Variants in IL22RA2 observed in about 807,000 individuals in gnomAD.
The protein encoded by IL22RA2 is interleukin 22 receptor subunit alpha 2.
IL22RA2 carries 39 observed loss-of-function variants against 30.7 expected under a neutral mutation model. That is an observed-to-expected ratio of 1.27 (90% CI 0.98 to 1.66). The LOEUF is 1.66. Ranked by LOEUF, IL22RA2 falls within the 40% of genes most tolerant of loss-of-function variation. The pLI is 0.00. For synonymous variants in IL22RA2, 103 were observed against 105.0 expected (o/e 0.98, Z 0.11); for missense variants, 315 against 312.7 (o/e 1.01, Z -0.05).
rs61381227 is a variant in IL22RA2, at chr6:137,150,480, ATTTT to A, written c.473-2593_473-2590del. ...CTTTTTTCTTTTCTTTTCTTTTCTG[ATTTT>A]TTTTTTTTTTTTTTTTTTTTTAGGG... On this transcript the variant is annotated intron_variant, in intron 5 of 6. Transcript: ENST00000296980. Among the ~76,000 whole-genome samples the A allele has an allele frequency of 9.1e-3, 917 of 100,520 alleles. 13 individuals carry two copies. The highest frequency in any genetic ancestry group is 0.033 in the African/African-American group (859 of 26,058). The allele number at this position is 100,520 out of a possible 152,430, so 65.9% of individuals were successfully genotyped here. A position where few individuals can be genotyped will look rare whatever the true frequency, so the allele number is the denominator to read the frequency against.
At chr6:137,160,547 A>T (rs1159362702) in intron 2 of IL22RA2, among the ~76,000 whole-genome samples, 1 of 152,186 alleles carries the variant, frequency 6.6e-6, no homozygotes, top group Non-Finnish European at 1.5e-5. Flanking sequence ...GAGGCAGACC[A>T]ATTAGAAGCT....
At chr6:137,164,775 C>T (rs534397283) in intron 1 of IL22RA2, among the ~76,000 whole-genome samples, 1 of 152,294 alleles carries the variant, frequency 6.6e-6, no homozygotes, top group East Asian at 1.9e-4. Flanking sequence ...AACATGGGGA[C>T]AAATTTATTT....
chr6:137,161,570 G>A (rs1562272610), intron 2 of IL22RA2, 119 bp downstream of exon 2: 2 of 752,866 alleles, frequency 2.7e-6, no homozygotes, highest in Non-Finnish European at 4.6e-6. Context: ...ATCATTTAGT[G>A]ACATCAAAAG....
intron 1 of IL22RA2, among the ~76,000 whole-genome samples, chr6:137,164,748 C>T (rs1778595148): frequency 2.0e-5 from 3 of 152,224 alleles, no homozygotes; most frequent in Admixed American, 2.0e-4. Context: ...CCAAGCAATG[C>T]AGATGCCACT....
chr6:137,154,127 G>A (rs533491276), intron 5 of IL22RA2, among the ~76,000 whole-genome samples: 1 of 152,130 alleles, frequency 6.6e-6, no homozygotes, highest in South Asian at 2.1e-4. Flanking sequence ...TTCTATGGTT[G>A]TGACTAAACT....
chr6:137,169,921 G>T (rs1436927884), intron 1 of IL22RA2, among the ~76,000 whole-genome samples: 1 of 152,250 alleles, frequency 6.6e-6, no homozygotes, highest in Non-Finnish European at 1.5e-5. Flanking sequence ...GCGGAAGTTA[G>T]CTCATGTTCT....
chr6:137,151,566 A>C (rs1286753537), intron 5 of IL22RA2, among the ~76,000 whole-genome samples: 3 of 152,262 alleles, frequency 2.0e-5, no homozygotes, highest in African/African-American at 7.2e-5. Context: ...GATTTCATCC[A>C]AGTTTAAAAC....
intron 1 of IL22RA2, among the ~76,000 whole-genome samples, chr6:137,170,549 G>A (rs1279509100): frequency 2.6e-5 from 4 of 152,138 alleles, no homozygotes; most frequent in African/African-American, 9.7e-5. Context: ...TTGTAATACT[G>A]CCTTTGTTTC....
Position 137,145,569 on chromosome 6 carries a change from C to T in IL22RA2, c.*55G>A. 1 of 1,519,828 alleles carries T rather than the reference C, an allele frequency of 6.6e-7. No individual in the cohort carries two copies. Among genetic ancestry groups the T allele is most frequent in the Non-Finnish European group, 8.9e-7 (1 of 1,119,006 alleles). 94.1% of individuals were successfully genotyped at this position (1,519,828 alleles called of 1,614,324 possible). On this transcript the variant is annotated 3_prime_UTR_variant, in exon 7 of 7. Transcript: ENST00000296980. ...ATAAGATCCTTCAAACACGAGTCAT[C>T]CTGTTCTCAGGGAGCTTTAGAATTT...
chr6:137,160,714 A>AT (rs1171709790), intron 2 of IL22RA2, among the ~76,000 whole-genome samples: 6 of 152,190 alleles, frequency 3.9e-5, no homozygotes, highest in Non-Finnish European at 5.9e-5. Context: ...TAAGGTAAAT[A>AT]TTTTTATTAT....
chr6:137,166,828 TGCCA>T (rs1778635244), intron 1 of IL22RA2, among the ~76,000 whole-genome samples: 1 of 152,236 alleles, frequency 6.6e-6, no homozygotes, highest in African/African-American at 2.4e-5. Context: ...TGAGCCTAAC[TGCCA>T]TCACTCGAGC....
rs1356269932 is a variant in IL22RA2 at position 137,145,634 on chromosome 6, TC to T, written c.781del (p.Glu261LysfsTer27). 1 of 1,605,984 alleles carries T rather than the reference TC, an allele frequency of 6.2e-7. No homozygotes were observed. Among genetic ancestry groups the T allele is most frequent in the Non-Finnish European group, 8.5e-7 (1 of 1,176,058 alleles). ...GCCAAATTCCACAAGTCATGGAATT[TC>T]CACACATCTCTCTTCACTTCTCTGA... is the stretch of plus-strand genomic sequence containing the variant. ...RSQRSEERCV[E>X]IP On this transcript the variant is annotated frameshift_variant, in exon 7 of 7. Coordinates refer to ENST00000296980, the MANE Select transcript of IL22RA2 (RefSeq NM_052962.3). LOFTEE classifies it high-confidence loss of function.
intron 1 of IL22RA2, among the ~76,000 whole-genome samples, chr6:137,165,044 A>G (rs1487602495): frequency 1.3e-5 from 2 of 152,202 alleles, no homozygotes; most frequent in African/African-American, 2.4e-5. Flanking sequence ...AGAAAAATGC[A>G]TCTTCAAGCA....
At chr6:137,148,900 G>A (rs1778233110) in intron 5 of IL22RA2, among the ~76,000 whole-genome samples, 1 of 152,102 alleles carries the variant, frequency 6.6e-6, no homozygotes, top group South Asian at 2.1e-4. Flanking sequence ...GCTAGATTTT[G>A]CAATTGATTG....
intron 1 of IL22RA2, 116 bp from the exon 2 acceptor site, chr6:137,161,930 A>C (rs759764443): frequency 1.2e-5 from 6 of 496,478 alleles, no homozygotes; most frequent in Non-Finnish European, 2.2e-5. Flanking sequence ...AAAAATATGA[A>C]AGTATAAAAA....
At chr6:137,158,517 T>G in intron 2 of IL22RA2, 35 bp from the exon 3 acceptor site, 2 of 1,611,546 alleles carry the variant, frequency 1.2e-6, no homozygotes, top group Non-Finnish European at 8.5e-7. Context: ...CATTGAACGT[T>G]GCTTGGAGCA....
chr6:137,162,107 A>G (rs1194968319), intron 1 of IL22RA2, among the ~76,000 whole-genome samples: 1 of 152,124 alleles, frequency 6.6e-6, no homozygotes, highest in African/African-American at 2.4e-5. Context: ...CAGGTGAGTG[A>G]ATGAAACAAC....
chr6:137,155,194 AT>A, intron 4 of IL22RA2, 75 bp from the exon 5 acceptor site: 3 of 1,090,346 alleles, frequency 2.8e-6, no homozygotes, highest in Non-Finnish European at 3.9e-6. Flanking sequence ...CAGACTAATA[AT>A]TTTTTATACC....
In IL22RA2 at chr6:137,161,687, A is replaced by G. The variant is rs1355390019; in HGVS notation, c.61+2T>C. On this transcript the variant is annotated splice_donor_variant, in intron 2 of 6. Coordinates refer to ENST00000296980, the MANE Select transcript of IL22RA2 (RefSeq NM_052962.3). LOFTEE classifies it high-confidence loss of function. ...GCAATTAAAAAGAAACAAAGCACTT[A>G]CCTGCTACACCAGTAAGGAAGAAAC... 6.2e-7 allele frequency: 1 copy of G among 1,612,026 alleles called. No homozygotes were observed. The highest frequency in any genetic ancestry group is 1.7e-5 in the Admixed American group (1 of 60,006).
Sources: gnomAD v4.1 joint callset for allele counts (sites outside exome capture counted in the v4.1 genomes callset) on GRCh38, gnomAD v4.1.1 for gene constraint, MANE v1.5 for transcripts, NCBI Gene and HGNC (gene_info 2026-07-23, HGNC 2026-07-21) for gene names.